The following PRPF6 variants were observed in gnomAD, a reference collection of about 807,000 sequenced individuals.
PRPF6 encodes pre-mRNA-processing factor 6.
In PRPF6, 42 loss-of-function variants were observed where a neutral mutation model predicts 118.3. The ratio of observed to expected loss-of-function variants is 0.35; its 90% confidence interval spans 0.28 to 0.46. The LOEUF is 0.46. Among genes scored for constraint, PRPF6 ranks in the 20% least tolerant of loss-of-function variants. The pLI, the probability that PRPF6 is intolerant of heterozygous loss-of-function variation, is 1.00. For missense variants in PRPF6, 662 were observed against 1,255.7 expected, an observed-to-expected ratio of 0.53 and a Z score of 7.15; for synonymous variants, 481 against 485.1, an observed-to-expected ratio of 0.99 and a Z score of 0.11.
At chr20:63,992,286 A>T (rs2059122096) in intron 3 of PRPF6, among the ~76,000 whole-genome samples, 1 of 151,824 alleles carries the variant, frequency 6.6e-6, no homozygotes, top group Admixed American at 6.6e-5. Flanking sequence ...TTTGAGACGA[A>T]GTTTCACTCT....
At chr20:64,012,869 T>G (rs1285640576) in intron 11 of PRPF6, among the ~76,000 whole-genome samples, 1 of 149,804 alleles carries the variant, frequency 6.7e-6, no homozygotes, top group Admixed American at 6.7e-5. Flanking sequence ...TCTCATGGCT[T>G]CTTTCTTTGC....
intron 3 of PRPF6, among the ~76,000 whole-genome samples, chr20:63,986,525 G>T (rs989183876): frequency 7.1e-6 from 1 of 141,024 alleles, no homozygotes; most frequent in Non-Finnish European, 1.5e-5. Flanking sequence ...GTCTCGCTCT[G>T]TTGCCCAGGC....
intron 8 of PRPF6, 48 bp from the exon 9 acceptor site, chr20:64,001,029 G>C (rs753842383): frequency 6.2e-7 from 1 of 1,601,778 alleles, no homozygotes; most frequent in South Asian, 1.1e-5. Context: ...CCCTGTTGCG[G>C]CTTCCAGCCT....
chr20:64,027,603 T>C lies in PRPF6; in HGVS notation c.2206T>C (p.Leu736=), dbSNP rs372237082. 5 of 1,613,928 alleles carry C rather than the reference T, an allele frequency of 3.1e-6. No individual in the cohort carries two copies. Among genetic ancestry groups the C allele is most frequent in the Non-Finnish European group, 4.2e-6 (5 of 1,180,020 alleles). Residue 736 remains leucine, a splice_region_variant and synonymous_variant, in exon 17 of 21, where the codon TTG becomes CTG. Coordinates refer to ENST00000266079, the MANE Select transcript of PRPF6 (RefSeq NM_012469.4). The surrounding 1 kb of genome is among the most constrained non-coding windows in gnomAD (Gnocchi z 6.5). The part of the protein sequence containing the change: ...EKAREAYNQG[L]KKCPHSTPLW... ...CTGCTCTCTTACTTGTTGGTTGCAG[T>C]TGAAGAAGTGTCCCCACTCCACACC...
rs1277000885 is a variant in PRPF6 at position 64,026,791 on chromosome 20, C to T, written c.2029-191C>T. 6.8e-6 allele frequency among the ~76,000 whole-genome samples: 1 copy of T among 147,426 alleles called. No homozygotes were observed. Among genetic ancestry groups the T allele is most frequent in the African/African-American group, 2.6e-5 (1 of 38,398 alleles). On this transcript the variant is annotated intron_variant, in intron 15 of 20. Coordinates refer to ENST00000266079, the MANE Select transcript of PRPF6 (RefSeq NM_012469.4). This position sits in a 1 kb window ranked among gnomAD's most constrained non-coding sequence, Gnocchi z 4.4. ...CTCCAGCCTGGGTGACAGAGCGAGA[C>T]TCTATCTCAAAAAAAAACAAAACAA...
intron 12 of PRPF6, among the ~76,000 whole-genome samples, chr20:64,020,185 G>C (rs113406718): frequency 6.6e-6 from 1 of 152,188 alleles, no homozygotes; most frequent in African/African-American, 2.4e-5. Context: ...GGAGGCCGAG[G>C]TGGGTGGATC....
At chr20:63,991,341 G>C (rs189484539) in intron 3 of PRPF6, among the ~76,000 whole-genome samples, 23 of 151,946 alleles carry the variant, frequency 1.5e-4, no homozygotes, top group Admixed American at 9.2e-4. Flanking sequence ...AGCATCGCTT[G>C]AGCCTAGGAA....
At position 64,031,690 on chromosome 20, in the gene PRPF6, A is replaced by C. The variant is rs1316436904; in HGVS notation, c.2547-228A>C. ...TCCTTCTCAAAAAAAAAAAAAAAAA[A>C]ACAACAAAAAAAAACCAATTTGGTT... On this transcript the variant is annotated intron_variant, in intron 19 of 20. Transcript: ENST00000266079. 2.7e-5 allele frequency among the ~76,000 whole-genome samples: 4 copies of C among 146,502 alleles called. No homozygotes were observed. The East Asian group carries it at 5.8e-4, about 21-fold the overall frequency.
At chr20:63,987,185 AAAAAG>A (rs1243867786) in intron 3 of PRPF6, among the ~76,000 whole-genome samples, 2 of 145,372 alleles carry the variant, frequency 1.4e-5, no homozygotes, top group Non-Finnish European at 3.1e-5. Flanking sequence ...AAAAAAAAAA[AAAAAG>A]GGGGGGGGAG....
In PRPF6 at chr20:63,981,142, C is replaced by A; in HGVS notation, c.-104C>A. 2 of 1,269,672 alleles carry A rather than the reference C, an allele frequency of 1.6e-6. No individual in the cohort carries two copies. Among genetic ancestry groups the A allele is most frequent in the Non-Finnish European group, 2.2e-6 (2 of 891,838 alleles). The allele number at this position is 1,269,672 out of a possible 1,614,324, so 78.7% of individuals were successfully genotyped here. A position where few individuals can be genotyped will look rare whatever the true frequency, so the allele number is the denominator to read the frequency against. On this transcript the variant is annotated 5_prime_UTR_variant, in exon 1 of 21. Transcript: ENST00000266079. ...CGCGGGTGACGCGACGACGGCGACA[C>A]TTTGCTACGGAGTGCATCGGACGTC...
chr20:64,028,359 A>C lies in PRPF6; in HGVS notation c.2340-119A>C. 7 of 981,246 alleles carry C rather than the reference A, an allele frequency of 7.1e-6. No individual in the cohort carries two copies. Among genetic ancestry groups the C allele is most frequent in the Non-Finnish European group, 1.1e-5 (7 of 621,164 alleles). 60.8% of individuals were successfully genotyped at this position (981,246 alleles called of 1,614,324 possible). A position where few individuals can be genotyped will look rare whatever the true frequency, so the allele number is the denominator to read the frequency against. The stretch of plus-strand genomic sequence containing the variant: ...GTGGATGAGCTCTGCTGTGGAGGGA[A>C]TGGAGTTTTTGCTGCTGTGACTGGG... On this transcript the variant is annotated intron_variant, in intron 17 of 20. Coordinates refer to ENST00000266079, the MANE Select transcript of PRPF6 (RefSeq NM_012469.4). This position sits in a 1 kb window ranked among gnomAD's most constrained non-coding sequence, Gnocchi z 6.5.
chr20:63,985,359 A>AT (rs2059088658), intron 3 of PRPF6, among the ~76,000 whole-genome samples: 1 of 152,042 alleles, frequency 6.6e-6, no homozygotes, highest in South Asian at 2.1e-4. Flanking sequence ...AAAAAAAAAA[A>AT]AAAGTTTTGT....
chr20:64,026,366 C>CGTGAT lies in PRPF6; in HGVS notation c.2028+311_2028+312insATGTG, dbSNP rs1555920701. ...TACTAAAAATACAAAATTAGCCGGG[C>CGTGAT]GTGGTGGTGCGTGCCTGTAATCCCA... On this transcript the variant is annotated intron_variant, in intron 15 of 20. Coordinates refer to ENST00000266079, the MANE Select transcript of PRPF6 (RefSeq NM_012469.4). The surrounding 1 kb of genome is among the most constrained non-coding windows in gnomAD (Gnocchi z 4.4). Among the ~76,000 whole-genome samples the CGTGAT allele has an allele frequency of 6.6e-6, 1 of 151,642 alleles. No individual in the cohort carries two copies. Among genetic ancestry groups the CGTGAT allele is most frequent in the Admixed American group, 6.6e-5 (1 of 15,226 alleles).
intron 10 of PRPF6, 63 bp downstream of exon 10, chr20:64,010,381 G>T: frequency 7.8e-7 from 1 of 1,278,736 alleles, no homozygotes. Context: ...CCCAGGTTCA[G>T]TGTCTGGAAG....
chr20:63,997,872 G>A (rs1158708524), intron 6 of PRPF6, among the ~76,000 whole-genome samples: 1 of 151,972 alleles, frequency 6.6e-6, no homozygotes, highest in Non-Finnish European at 1.5e-5. Context: ...CCGGCGCCCC[G>A]GCCAGCATGT....
intron 9 of PRPF6, among the ~76,000 whole-genome samples, chr20:64,007,663 C>T (rs565825278): frequency 2.1e-4 from 32 of 151,606 alleles, no homozygotes; most frequent in East Asian, 7.7e-4. Context: ...GACAGGGTTT[C>T]GCCATGTTGT....
At chr20:64,003,618 C>G (rs2059177253) in intron 9 of PRPF6, among the ~76,000 whole-genome samples, 1 of 152,098 alleles carries the variant, frequency 6.6e-6, no homozygotes, top group Non-Finnish European at 1.5e-5. Context: ...TTTATTGAGA[C>G]AGAGTCTCGC....
At chr20:64,021,665 C>T (rs2059265460) in intron 12 of PRPF6, among the ~76,000 whole-genome samples, 2 of 145,712 alleles carry the variant, frequency 1.4e-5, no homozygotes, top group South Asian at 2.2e-4. Context: ...GCCTCAGCCA[C>T]AGCCCCGTGT....
intron 3 of PRPF6, among the ~76,000 whole-genome samples, chr20:63,987,473 G>T (rs6011244): frequency 1.3e-5 from 2 of 150,970 alleles, no homozygotes; most frequent in African/African-American, 2.4e-5. Flanking sequence ...AGACTGTGTC[G>T]CAAAGAAAAA....
Sources: gnomAD v4.1 joint callset for allele counts (sites outside exome capture counted in the v4.1 genomes callset) on GRCh38, gnomAD v4.1.1 for gene constraint, Gnocchi (gnomAD v3.1) non-coding constraint, MANE v1.5 for transcripts, NCBI Gene and HGNC (gene_info 2026-07-23, HGNC 2026-07-21) for gene names.